Variants in ZNF618 observed in about 807,000 individuals in gnomAD.
The protein encoded by ZNF618 is zinc finger protein 618.
ZNF618 carries 34 observed loss-of-function variants against 103.0 expected under a neutral mutation model. The ratio of observed to expected loss-of-function variants is 0.33; its 90% CI spans 0.25 to 0.44. The LOEUF is 0.44. Ranked by LOEUF, ZNF618 falls within the 20% of genes least tolerant of loss-of-function variation. The pLI is 1.00. For synonymous variants in ZNF618, 551 were observed against 542.2 expected (o/e 1.02, Z -0.23); for missense variants, 1,059 against 1,295.4 (o/e 0.82, Z 2.80).
intron 1 of ZNF618, among the ~76,000 whole-genome samples, chr9:113,886,998 T>A (rs1301097562): frequency 1.7e-5 from 2 of 116,004 alleles, no homozygotes; most frequent in Non-Finnish European, 3.5e-5. Context: ...TTTTTTTTTT[T>A]TAACAATGTG....
chr9:114,010,031 C>T lies in ZNF618; in HGVS notation c.754+1477C>T, dbSNP rs375722645. Reference sequence around the variant, plus strand: ...TCATCTTAAAGATGAAGAATATGGCCGGGCACGGTGGCTCACACCTGTAAT... The same window carrying T: ...TCATCTTAAAGATGAAGAATATGGCTGGGCACGGTGGCTCACACCTGTAAT... On this transcript the variant is annotated intron_variant, in intron 9 of 14. Coordinates refer to ENST00000374126, the MANE Select transcript of ZNF618 (RefSeq NM_001318042.2). Among the ~76,000 whole-genome samples, 33 of 152,298 alleles carry T rather than the reference C, an allele frequency of 2.2e-4. No homozygotes were observed. In the East Asian group the frequency reaches 2.9e-3, roughly 13 times the overall value.
intron 9 of ZNF618, among the ~76,000 whole-genome samples, chr9:114,010,473 G>A (rs1216192747): frequency 6.6e-6 from 1 of 152,132 alleles, no homozygotes; most frequent in African/African-American, 2.4e-5. Flanking sequence ...TTGGGAGGCC[G>A]AGACGGGTGG....
chr9:113,950,409 G>A (rs564675396), intron 1 of ZNF618, among the ~76,000 whole-genome samples: 1 of 152,282 alleles, frequency 6.6e-6, no homozygotes, highest in Non-Finnish European at 1.5e-5. Context: ...GGAAGAAGTA[G>A]CATTTCTTCT....
chr9:113,880,807 A>G (rs1054241894), intron 1 of ZNF618, among the ~76,000 whole-genome samples: 6 of 152,216 alleles, frequency 3.9e-5, no homozygotes, highest in African/African-American at 1.2e-4. Context: ...CACGGCCAAA[A>G]GAGTTTGAAA....
chr9:114,001,067 A>G (rs1228993126), intron 4 of ZNF618, among the ~76,000 whole-genome samples: 2 of 152,164 alleles, frequency 1.3e-5, no homozygotes, highest in African/African-American at 4.8e-5. Context: ...TCAGGCCTTC[A>G]TGAGGGCTGA....
intron 10 of ZNF618, among the ~76,000 whole-genome samples, chr9:114,026,686 T>C (rs1271686771): frequency 6.6e-6 from 1 of 152,252 alleles, no homozygotes; most frequent in African/African-American, 2.4e-5. Context: ...TTATTATGTC[T>C]GTGGCCAGAA....
At chr9:113,885,105 G>T (rs1341158124) in intron 1 of ZNF618, among the ~76,000 whole-genome samples, 1 of 152,126 alleles carries the variant, frequency 6.6e-6, no homozygotes, top group African/African-American at 2.4e-5. Flanking sequence ...AGGTTTCAAA[G>T]GGGAGACGCC....
At chr9:113,980,742 C>G (rs1349887036) in intron 2 of ZNF618, among the ~76,000 whole-genome samples, 1 of 152,120 alleles carries the variant, frequency 6.6e-6, no homozygotes, top group Non-Finnish European at 1.5e-5. Context: ...GGCCGGAGAT[C>G]CACCAGGGGA....
chr9:114,006,599 C>A (rs1375367885), intron 6 of ZNF618, among the ~76,000 whole-genome samples: 1 of 152,144 alleles, frequency 6.6e-6, no homozygotes, highest in Non-Finnish European at 1.5e-5. Context: ...AACAGATGTC[C>A]CTAAAACTTA....
At position 114,049,861 on chromosome 9, in the gene ZNF618, C is replaced by T; in HGVS notation, c.2559C>T (p.Pro853=). 1 of 1,613,946 alleles carries T rather than the reference C, an allele frequency of 6.2e-7. No homozygotes were observed. The highest frequency in any genetic ancestry group is 8.5e-7 in the Non-Finnish European group (1 of 1,179,896). The change falls in exon 15 of 15, where the codon CCC becomes CCT. Residue 853 remains proline, a synonymous_variant. Transcript: ENST00000374126. ...ACTTCGAGCCCGCTGCCAAGAAGCC[C>T]CGCTCTGCTGCCGTCGAGAACCCCG... is the stretch of plus-strand genomic sequence containing the variant. ...EADFEPAAKK[P]RSAAVENPAA...
intron 3 of ZNF618, among the ~76,000 whole-genome samples, chr9:113,993,026 G>T (rs766251385): frequency 5.3e-5 from 8 of 152,218 alleles, no homozygotes; most frequent in Non-Finnish European, 1.0e-4. Context: ...GAGCAGAGAT[G>T]ATAGATACTA....
chr9:113,973,662 G>A (rs188483746), intron 2 of ZNF618, among the ~76,000 whole-genome samples: 1 of 152,232 alleles, frequency 6.6e-6, no homozygotes, highest in African/African-American at 2.4e-5. Context: ...TATTCTAAGG[G>A]TCAGGGAGGC....
At chr9:114,047,872 C>T in intron 13 of ZNF618, 21 bp from the exon 14 acceptor site, 1 of 1,577,306 alleles carries the variant, frequency 6.3e-7, no homozygotes, top group Non-Finnish European at 8.6e-7. Context: ...AGGTAACACA[C>T]TGTCCCCTTT....
chr9:114,038,608 G>A (rs567226088), intron 13 of ZNF618, among the ~76,000 whole-genome samples: 37 of 152,338 alleles, frequency 2.4e-4, no homozygotes, highest in Non-Finnish European at 4.6e-4. Flanking sequence ...GGTAATTCCC[G>A]CTAATAAACT....
intron 1 of ZNF618, among the ~76,000 whole-genome samples, chr9:113,925,180 T>C (rs894585970): frequency 3.3e-5 from 5 of 152,112 alleles, no homozygotes; most frequent in African/African-American, 1.2e-4. Context: ...ATTTTGTTTC[T>C]GTGTTAGGTA....
intron 4 of ZNF618, 48 bp downstream of exon 4, chr9:113,998,402 G>A: frequency 6.7e-6 from 10 of 1,501,940 alleles, no homozygotes; most frequent in South Asian, 1.2e-5. Flanking sequence ...CAGTATGGGT[G>A]GGGGCACAGC....
intron 1 of ZNF618, among the ~76,000 whole-genome samples, chr9:113,897,402 C>G (rs1187175804): frequency 6.6e-6 from 1 of 152,148 alleles, no homozygotes; most frequent in Non-Finnish European, 1.5e-5. Context: ...TGTTCCCATC[C>G]CCAGCCTTCC....
chr9:113,922,193 G>C (rs1244388960), intron 1 of ZNF618, among the ~76,000 whole-genome samples: 1 of 152,166 alleles, frequency 6.6e-6, no homozygotes, highest in Non-Finnish European at 1.5e-5. Flanking sequence ...ATTTCTCCAG[G>C]GGACAATTTA....
intron 1 of ZNF618, among the ~76,000 whole-genome samples, chr9:113,941,780 T>C (rs1248495531): frequency 2.7e-5 from 4 of 150,490 alleles, no homozygotes; most frequent in African/African-American, 9.8e-5. Context: ...TGTCTTGTTT[T>C]ATTCTTCTTT....
Sources: allele counts gnomAD v4.1 joint callset (sites outside exome capture counted in the v4.1 genomes callset), GRCh38; gene constraint gnomAD v4.1.1; transcripts MANE v1.5; gene names NCBI Gene and HGNC (gene_info 2026-07-23, HGNC 2026-07-21).